DENND2A: variants seen among roughly 807,000 people sequenced by gnomAD.
DENND2A encodes the protein DENN domain-containing protein 2A.
A neutral mutation model predicts 105.3 loss-of-function variants in DENND2A; 53 were observed. That is an observed-to-expected ratio of 0.50 (90% CI 0.40 to 0.63). DENND2A has a LOEUF of 0.63. Ranked by LOEUF, DENND2A falls within the 30% of genes least tolerant of loss-of-function variation. The pLI is 0.00. For synonymous variants in DENND2A, 522 were observed against 508.4 expected, an observed-to-expected ratio of 1.03 and a Z score of -0.36; for missense variants, 1,138 against 1,279.6, an observed-to-expected ratio of 0.89 and a Z score of 1.69.
intron 1 of DENND2A, among the ~76,000 whole-genome samples, chr7:140,629,781 A>C (rs551212962): frequency 1.3e-5 from 2 of 152,124 alleles, no homozygotes; most frequent in Admixed American, 1.3e-4. Context: ...GTAGTGAACA[A>C]GTGAGGCACG....
At chr7:140,524,954 C>T (rs113664505) in intron 16 of DENND2A, among the ~76,000 whole-genome samples, 78 of 148,148 alleles carry the variant, frequency 5.3e-4, no homozygotes, top group African/African-American at 1.5e-3. Flanking sequence ...GGCGTGATCT[C>T]GGCTCATTGC....
intron 16 of DENND2A, among the ~76,000 whole-genome samples, chr7:140,525,029 G>A (rs749325894): frequency 6.6e-6 from 1 of 151,608 alleles, no homozygotes; most frequent in Non-Finnish European, 1.5e-5. Flanking sequence ...GGGACTACAG[G>A]CGTAAATGCA....
chr7:140,635,193 G>A (rs1206863333), intron 1 of DENND2A, among the ~76,000 whole-genome samples: 1 of 152,050 alleles, frequency 6.6e-6, no homozygotes, highest in Admixed American at 6.6e-5. Flanking sequence ...AGCCCAGGAG[G>A]TAGAAGCTGC....
chr7:140,527,238 C>T lies in DENND2A; in HGVS notation c.2505+80G>A, dbSNP rs1037312662. On this transcript the variant is annotated intron_variant, in intron 15 of 19. Coordinates refer to ENST00000496613, the MANE Select transcript of DENND2A (RefSeq NM_015689.5). The surrounding 1 kb of genome is among the most constrained non-coding windows in gnomAD (Gnocchi z 4.9). Reference sequence around the variant, plus strand: ...AACACTGCTGGCTCTGAGAACCGCTCCATGATGCCTGCAGAGCCAGCGCCC... The same window carrying T: ...AACACTGCTGGCTCTGAGAACCGCTTCATGATGCCTGCAGAGCCAGCGCCC... The T allele has an allele frequency of 5.6e-6, 8 of 1,419,768 alleles. No homozygotes were observed. The highest frequency in any genetic ancestry group is 7.5e-6 in the Non-Finnish European group (8 of 1,067,926). The allele number at this position is 1,419,768 out of a possible 1,614,324, so 87.9% of individuals were successfully genotyped here.
chr7:140,557,541 T>A (rs1425199819), intron 11 of DENND2A, among the ~76,000 whole-genome samples: 35 of 48,582 alleles, frequency 7.2e-4, no homozygotes, highest in East Asian at 4.7e-3. Context: ...ATTTTTTTTT[T>A]TTTTTTTTTT....
Position 140,554,007 on chromosome 7 carries a change from T to C in DENND2A, c.2037+1629A>G, listed in dbSNP as rs570029768. Among the ~76,000 whole-genome samples, 631 of 148,290 alleles carry C rather than the reference T, an allele frequency of 4.3e-3. 2 individuals are homozygous for C. The highest frequency in any genetic ancestry group is 4.6e-3 in the Non-Finnish European group (309 of 66,606). ...CTTAGGGAGGCCGAGGTGGGCGGAT[T>C]ACGAGGTCAGGAGATCAAGACCATC... On this transcript the variant is annotated intron_variant, in intron 12 of 19. Coordinates refer to ENST00000496613, the MANE Select transcript of DENND2A (RefSeq NM_015689.5).
At chr7:140,570,501 G>T (rs953942532) in intron 6 of DENND2A, among the ~76,000 whole-genome samples, 9 of 152,206 alleles carry the variant, frequency 5.9e-5, no homozygotes, top group African/African-American at 1.9e-4. Context: ...AGCCCTGAGT[G>T]GGGTGAGAAC....
chr7:140,549,727 C>A (rs1220328662), intron 12 of DENND2A, among the ~76,000 whole-genome samples: 7 of 152,152 alleles, frequency 4.6e-5, no homozygotes, highest in Non-Finnish European at 8.8e-5. Flanking sequence ...TATGATCCAG[C>A]AACTCTATTT....
chr7:140,519,470 A>C (rs763410985), intron 19 of DENND2A, among the ~76,000 whole-genome samples, 162 bp downstream of exon 19: 2 of 152,194 alleles, frequency 1.3e-5, no homozygotes, highest in Non-Finnish European at 2.9e-5. Flanking sequence ...CTTTGGGGAC[A>C]GATTAGAACA....
At chr7:140,541,583 T>C (rs145195331) in intron 14 of DENND2A, among the ~76,000 whole-genome samples, 342 of 152,278 alleles carry the variant, frequency 2.2e-3, no homozygotes, top group African/African-American at 7.9e-3. Context: ...GTTACTATGG[T>C]GCTGATGAAA....
At chr7:140,594,110 G>T (rs148958098) in intron 3 of DENND2A, among the ~76,000 whole-genome samples, 1 of 152,016 alleles carries the variant, frequency 6.6e-6, no homozygotes, top group Non-Finnish European at 1.5e-5. Context: ...GTTTCACCAT[G>T]TAGGCCAGGC....
intron 1 of DENND2A, among the ~76,000 whole-genome samples, chr7:140,636,507 G>T (rs1800939221): frequency 6.6e-6 from 1 of 152,106 alleles, no homozygotes; most frequent in Non-Finnish European, 1.5e-5. Context: ...TGTCCCACCT[G>T]GGATCTTTTG....
chr7:140,565,339 G>C (rs1215703108), intron 9 of DENND2A, among the ~76,000 whole-genome samples: 1 of 151,862 alleles, frequency 6.6e-6, no homozygotes, highest in South Asian at 2.1e-4. Flanking sequence ...TTCTGGGGGT[G>C]GGGGGAGATG....
At chr7:140,618,643 T>C (rs1219885518) in intron 1 of DENND2A, among the ~76,000 whole-genome samples, 1 of 152,222 alleles carries the variant, frequency 6.6e-6, no homozygotes, top group Non-Finnish European at 1.5e-5. Context: ...TAGCTCATCA[T>C]TACGAATGTC....
At chr7:140,561,498 C>CTTTTT (rs536896244) in intron 9 of DENND2A, among the ~76,000 whole-genome samples, 2 of 102,514 alleles carry the variant, frequency 2.0e-5, no homozygotes, top group Non-Finnish European at 3.8e-5. Context: ...TTTCTGTTGT[C>CTTTTT]TTTTTTTTTT....
intron 5 of DENND2A, among the ~76,000 whole-genome samples, chr7:140,574,862 A>C (rs1474891126): frequency 1.3e-5 from 2 of 151,992 alleles, no homozygotes; most frequent in Non-Finnish European, 2.9e-5. Flanking sequence ...TACTAAAAAT[A>C]CAAAAAAATT....
At chr7:140,639,149 C>G (rs1416620235) in intron 1 of DENND2A, among the ~76,000 whole-genome samples, 1 of 151,876 alleles carries the variant, frequency 6.6e-6, no homozygotes, top group Non-Finnish European at 1.5e-5. Flanking sequence ...GTCAGCAGTT[C>G]AAGACCAGCC....
chr7:140,588,875 T>G (rs549706254), intron 3 of DENND2A, among the ~76,000 whole-genome samples: 1 of 151,804 alleles, frequency 6.6e-6, no homozygotes, highest in Non-Finnish European at 1.5e-5. Context: ...CCCGAGGAGC[T>G]GGGATTACAT....
At chr7:140,637,241 A>T (rs550205088) in intron 1 of DENND2A, among the ~76,000 whole-genome samples, 1 of 152,298 alleles carries the variant, frequency 6.6e-6, no homozygotes, top group African/African-American at 2.4e-5. Flanking sequence ...GTATATTCTA[A>T]TGCACACCCC....
Sources: allele counts gnomAD v4.1 joint callset (sites outside exome capture counted in the v4.1 genomes callset), GRCh38; gene constraint gnomAD v4.1.1; non-coding constraint Gnocchi (gnomAD v3.1); transcripts MANE v1.5; gene names NCBI Gene and HGNC (gene_info 2026-07-23, HGNC 2026-07-21).